Variants in ADAMTSL1 observed in about 807,000 individuals in gnomAD.
The protein encoded by ADAMTSL1 is ADAMTS like 1.
In ADAMTSL1, 126 loss-of-function variants were observed where a neutral mutation model predicts 201.8. The ratio of observed to expected loss-of-function variants is 0.62; its 90% CI spans 0.54 to 0.72. The LOEUF (loss-of-function observed/expected upper bound fraction) is 0.72. Among genes scored for constraint, ADAMTSL1 ranks in the 30% least tolerant of loss-of-function variants. The pLI, the probability that ADAMTSL1 is intolerant of heterozygous loss-of-function variation, is 0.00. For synonymous variants in ADAMTSL1, 1,121 were observed against 903.4 expected (o/e 1.24, Z -4.32); for missense variants, 2,679 against 2,277.8 (o/e 1.18, Z -3.59).
chr9:18,572,520 T>C (rs536056851), intron 3 of ADAMTSL1, among the ~76,000 whole-genome samples: 1 of 152,312 alleles, frequency 6.6e-6, no homozygotes, highest in African/African-American at 2.4e-5. Context: ...TCTGCTACTA[T>C]GGTTTATTCA....
At chr9:18,220,048 G>C (rs1830198830) in intron 2 of ADAMTSL1, among the ~76,000 whole-genome samples, 1 of 152,016 alleles carries the variant, frequency 6.6e-6, no homozygotes, top group African/African-American at 2.4e-5. Flanking sequence ...CCTAGAGTAT[G>C]ATTTTATTGG....
chr9:17,999,502 A>T (rs1819524137), intron 1 of ADAMTSL1, among the ~76,000 whole-genome samples: 1 of 152,046 alleles, frequency 6.6e-6, no homozygotes, highest in Admixed American at 6.6e-5. Flanking sequence ...TTTACAATTG[A>T]CATATTAATA....
intron 1 of ADAMTSL1, among the ~76,000 whole-genome samples, chr9:17,978,033 C>G (rs1017477895): frequency 1.3e-5 from 2 of 151,726 alleles, no homozygotes; most frequent in African/African-American, 4.8e-5. Context: ...ATTAATTGAC[C>G]CCTTTAAAAA....
At chr9:18,450,822 C>T (rs112738347) in intron 2 of ADAMTSL1, among the ~76,000 whole-genome samples, 105 of 152,296 alleles carry the variant, frequency 6.9e-4, no homozygotes, top group African/African-American at 2.4e-3. Flanking sequence ...CCATTGTCCA[C>T]TCTACAGTAT....
At chr9:18,050,395 T>C (rs535605777) in intron 1 of ADAMTSL1, among the ~76,000 whole-genome samples, 2 of 152,294 alleles carry the variant, frequency 1.3e-5, no homozygotes, top group African/African-American at 2.4e-5. Context: ...AGTAATATGC[T>C]ACCTTCCAAA....
At chr9:18,073,435 G>A (rs947810782) in intron 1 of ADAMTSL1, among the ~76,000 whole-genome samples, 1 of 152,160 alleles carries the variant, frequency 6.6e-6, no homozygotes, top group Non-Finnish European at 1.5e-5. Flanking sequence ...GATATCTAAA[G>A]GGGGCACAAG....
intron 2 of ADAMTSL1, among the ~76,000 whole-genome samples, chr9:18,180,559 C>G (rs1390190393): frequency 1.4e-5 from 2 of 147,404 alleles, no homozygotes; most frequent in African/African-American, 5.0e-5. Context: ...AAAAAAATAC[C>G]TAAGAATCCA....
chr9:18,031,501 A>T (rs1388239203), intron 1 of ADAMTSL1, among the ~76,000 whole-genome samples: 1 of 152,082 alleles, frequency 6.6e-6, no homozygotes, highest in Non-Finnish European at 1.5e-5. Flanking sequence ...GTTTGTTCAT[A>T]TAATTCAGGC....
chr9:18,263,555 A>T (rs1002707057), intron 2 of ADAMTSL1, among the ~76,000 whole-genome samples: 1 of 152,196 alleles, frequency 6.6e-6, no homozygotes, highest in Non-Finnish European at 1.5e-5. Flanking sequence ...CCCACATTCC[A>T]GCCTGACCGC....
chr9:18,512,812 T>G (rs2131980069), intron 2 of ADAMTSL1, among the ~76,000 whole-genome samples: 1 of 152,350 alleles, frequency 6.6e-6, no homozygotes, highest in Middle Eastern at 3.4e-3. Context: ...ATTGTATGAA[T>G]TCCTCCTTTT....
chr9:18,565,000 C>T (rs540398124), intron 3 of ADAMTSL1, among the ~76,000 whole-genome samples: 56 of 152,154 alleles, frequency 3.7e-4, no homozygotes, highest in African/African-American at 1.3e-3. Flanking sequence ...CAAAAGCTAC[C>T]CAGAGGAAAA....
intron 22 of ADAMTSL1, 34 bp downstream of exon 22, chr9:18,826,497 CCCTGTTGGGAGTGACTAT>C: frequency 6.3e-7 from 1 of 1,592,824 alleles, no homozygotes; most frequent in Non-Finnish European, 8.6e-7. Context: ...CTCTGCTGCA[CCCTGTTGGGAGTGACTAT>C]CTAACCCACC....
chr9:18,489,333 A>G (rs913527306), intron 1 of ADAMTSL1, among the ~76,000 whole-genome samples: 14 of 152,210 alleles, frequency 9.2e-5, no homozygotes, highest in Non-Finnish European at 1.6e-4. Flanking sequence ...GAACTCCTGT[A>G]GTCAATGTGA....
chr9:18,095,548 A>G (rs1272445890), intron 1 of ADAMTSL1, among the ~76,000 whole-genome samples: 1 of 149,558 alleles, frequency 6.7e-6, no homozygotes, highest in Non-Finnish European at 1.5e-5. Flanking sequence ...TCAGCTTCCC[A>G]AGCAGCTGGG....
chr9:18,238,086 T>C (rs1830917352), intron 2 of ADAMTSL1, among the ~76,000 whole-genome samples: 1 of 152,220 alleles, frequency 6.6e-6, no homozygotes, highest in Non-Finnish European at 1.5e-5. Flanking sequence ...AGCCACTTTT[T>C]GTCCACAGTT....
rs1830273711 is a variant in ADAMTSL1 at position 18,905,822 on chromosome 9, A to G, written c.4892A>G (p.His1631Arg). 2.5e-6 allele frequency: 4 copies of G among 1,613,610 alleles called. No individual in the cohort carries two copies. Among genetic ancestry groups the G allele is most frequent in the Admixed American group, 3.3e-5 (2 of 59,988 alleles). ...PCIGPHLAVQ[H>R]RQVFCQTRDG... The stretch of plus-strand genomic sequence containing the variant: ...ATCGGGCCTCACCTAGCTGTGCAAC[A>G]CAGACAAGTCTTCTGCCAGACACGG... The change falls in exon 27 of 29, where the codon CAC becomes CGC. Residue 1631 changes from histidine (H) to arginine (R), a missense_variant. Coordinates refer to ENST00000380548, the MANE Select transcript of ADAMTSL1 (RefSeq NM_001040272.6).
chr9:18,840,658 T>C (rs935849629), intron 23 of ADAMTSL1, among the ~76,000 whole-genome samples: 5 of 152,162 alleles, frequency 3.3e-5, no homozygotes, highest in Admixed American at 6.5e-5. Flanking sequence ...TTGATTCTTC[T>C]TACCCATGAG....
Position 18,616,237 on chromosome 9 carries a change from C to A in ADAMTSL1, c.475-6006C>A, listed in dbSNP as rs182563904. Among the ~76,000 whole-genome samples, 17 of 152,292 alleles carry A rather than the reference C, an allele frequency of 1.1e-4. 1 individual carries two copies. In the East Asian group the frequency reaches 3.3e-3, roughly 29 times the overall value. On this transcript the variant is annotated intron_variant, in intron 4 of 28. Transcript: ENST00000380548. ...ATGGGGTTTTGCCATACTGGCCAGG[C>A]TGGTCTCAAACTCGTGGCCTCAAGT... is the stretch of plus-strand genomic sequence containing the variant.
At chr9:18,896,287 G>C (rs2131582770) in intron 26 of ADAMTSL1, among the ~76,000 whole-genome samples, 1 of 152,294 alleles carries the variant, frequency 6.6e-6, no homozygotes, top group East Asian at 1.9e-4. Context: ...TCAGTCTTAA[G>C]AAACAAAGAG....
Sources: gnomAD v4.1 joint callset for allele counts (sites outside exome capture counted in the v4.1 genomes callset) on GRCh38, gnomAD v4.1.1 for gene constraint, MANE v1.5 for transcripts, NCBI Gene and HGNC (gene_info 2026-07-23, HGNC 2026-07-21) for gene names.